The following SRRM3 variants were observed in gnomAD, a reference collection of about 807,000 sequenced individuals.
The protein encoded by SRRM3 is serine/arginine repetitive matrix 3.
SRRM3 carries 27 observed loss-of-function variants against 66.2 expected under a neutral mutation model. The observed-to-expected ratio is 0.41, with a 90% confidence interval of 0.30 to 0.56. The LOEUF is 0.56. Among genes scored for constraint, SRRM3 ranks in the 20% least tolerant of loss-of-function variants. The pLI, the probability that SRRM3 is intolerant of heterozygous loss-of-function variation, is 0.32. For synonymous variants in SRRM3, 391 were observed against 414.9 expected (o/e 0.94, Z 0.70); for missense variants, 918 against 991.9 (o/e 0.93, Z 1.00).
In SRRM3 at chr7:76,281,609, C is replaced by T; in HGVS notation, c.1177C>T (p.Arg393Trp). Reference protein sequence around the residue: ...AGRRRRRRRRRRRSRSSASAP... With the variant: ...AGRRRRRRRRWRRSRSSASAP... Reference sequence around the variant, plus strand: ...CAGGCGGCGGCGGCGGCGGCGTAGGCGGCGGCGCTCGCGGTCCTCGGCGTC... The same window carrying T: ...CAGGCGGCGGCGGCGGCGGCGTAGGTGGCGGCGCTCGCGGTCCTCGGCGTC... Residue 393 changes from arginine (R) to tryptophan (W), a missense_variant, in exon 12 of 15, where the codon CGG (arginine) becomes TGG (tryptophan). Coordinates refer to ENST00000611745, the MANE Select transcript of SRRM3 (RefSeq NM_001110199.3). 1.0e-6 allele frequency: 1 copy of T among 975,466 alleles called. No individual in the cohort carries two copies. The highest frequency in any genetic ancestry group is 1.2e-6 in the Non-Finnish European group (1 of 823,612). The allele number at this position is 975,466 out of a possible 1,614,324, so 60.4% of individuals were successfully genotyped here.
At position 76,283,693 on chromosome 7, in the gene SRRM3, C is replaced by A. The variant is rs1802590735; in HGVS notation, c.1733+592C>A. 6.6e-5 allele frequency: 58 copies of A among 885,246 alleles called. No individual in the cohort carries two copies. In the South Asian group the frequency reaches 8.4e-4, roughly 13 times the overall value. The allele number at this position is 885,246 out of a possible 1,614,324, so 54.8% of individuals were successfully genotyped here. A position where few individuals can be genotyped will look rare whatever the true frequency, so the allele number is the denominator to read the frequency against. On this transcript the variant is annotated intron_variant, in intron 14 of 14. Transcript: ENST00000611745. ...GATTTGGAGGAGGGGGCACAGCAGT[C>A]TGGTCTCTGGGGCAGCTGTCAGAGG...
intron 1 of SRRM3, among the ~76,000 whole-genome samples, chr7:76,205,812 A>G (rs1800287525): frequency 6.6e-6 from 1 of 152,202 alleles, no homozygotes; most frequent in Admixed American, 6.5e-5. Context: ...ATTAAGACCC[A>G]AGTCTGTAAG....
chr7:76,276,085 A>AT (rs1802342128), intron 11 of SRRM3, among the ~76,000 whole-genome samples: 1 of 148,092 alleles, frequency 6.8e-6, no homozygotes, highest in Non-Finnish European at 1.5e-5. Context: ...CATCTCAAAA[A>AT]ATATATATAT....
intron 6 of SRRM3, among the ~76,000 whole-genome samples, 159 bp from the exon 7 acceptor site, chr7:76,261,193 C>A (rs570313044): frequency 3.9e-5 from 6 of 152,014 alleles, no homozygotes; most frequent in African/African-American, 1.4e-4. Context: ...CCTTGGCGAC[C>A]CTTGGGGCCT....
rs113939634 is a variant in SRRM3, at chr7:76,281,408, C to G, written c.1009-33C>G. On this transcript the variant is annotated intron_variant, in intron 11 of 14. Transcript: ENST00000611745. ...CTGTCTCTCTCGTCTCCCTCTCCCC[C>G]CTCCGTGCCCTGTCTGCCTCTCTCC... 1.6e-3 allele frequency: 1,907 copies of G among 1,216,170 alleles called. 24 individuals are homozygous for G. In the African/African-American group the frequency reaches 0.024, roughly 15 times the overall value. The allele number at this position is 1,216,170 out of a possible 1,614,324, so 75.3% of individuals were successfully genotyped here.
At chr7:76,257,498 C>T (rs1334474927) in intron 3 of SRRM3, among the ~76,000 whole-genome samples, 1 of 150,860 alleles carries the variant, frequency 6.6e-6, no homozygotes, top group Non-Finnish European at 1.5e-5. Context: ...CACCTATAAT[C>T]CTAGTACTTT....
intron 1 of SRRM3, among the ~76,000 whole-genome samples, chr7:76,209,947 C>T (rs1292213973): frequency 6.6e-6 from 1 of 152,166 alleles, no homozygotes; most frequent in Non-Finnish European, 1.5e-5. Context: ...CAATTATAAG[C>T]TCTGGAGCAA....
chr7:76,285,587 C>T lies in SRRM3; in HGVS notation c.1734-28C>T. On this transcript the variant is annotated intron_variant, in intron 14 of 14. Coordinates refer to ENST00000611745, the MANE Select transcript of SRRM3 (RefSeq NM_001110199.3). This position sits in a 1 kb window ranked among gnomAD's most constrained non-coding sequence, Gnocchi z 4.1. ...GGATGGGGCTCGGGGCCTGGGATGG[C>T]CTGTAATCAGCTTTTTCTTCCCGGC... 2 of 1,536,398 alleles carry T rather than the reference C, an allele frequency of 1.3e-6. No individual in the cohort carries two copies. The highest frequency in any genetic ancestry group is 1.8e-6 in the Non-Finnish European group (2 of 1,136,804).
At chr7:76,202,893 T>G (rs76688798) in intron 1 of SRRM3, among the ~76,000 whole-genome samples, 5,462 of 152,106 alleles carry the variant, frequency 0.036, 229 homozygotes, top group East Asian at 0.14. Context: ...AGAGATTTAG[T>G]GGGAGGAAGG....
rs1801819210 is a variant in SRRM3, at chr7:76,260,162, AAAG to A, written c.516_518del (p.Lys175del). On this transcript the variant is annotated inframe_deletion, in exon 5 of 15. Transcript: ENST00000611745. ...GCTCGGCATCGCCCCCTCCCAAGAA[AAAG>A]AAGAAAAAGAAAGGCGGCCACCGGA... The A allele has an allele frequency of 6.5e-7, 1 of 1,534,526 alleles. No individual in the cohort carries two copies. The highest frequency in any genetic ancestry group is 1.2e-5 in the South Asian group (1 of 83,102).
chr7:76,279,840 GC>G (rs1440187385), intron 11 of SRRM3, among the ~76,000 whole-genome samples: 3 of 152,076 alleles, frequency 2.0e-5, no homozygotes, highest in South Asian at 4.1e-4. Context: ...AAAAACATTT[GC>G]CACCTCTATC....
intron 3 of SRRM3, among the ~76,000 whole-genome samples, chr7:76,251,926 A>G (rs1801591427): frequency 6.6e-6 from 1 of 152,028 alleles, no homozygotes; most frequent in Admixed American, 6.6e-5. Flanking sequence ...TTAGCTGAGC[A>G]TGGTGGCACA....
intron 2 of SRRM3, among the ~76,000 whole-genome samples, chr7:76,247,292 C>T (rs1012825666): frequency 3.9e-5 from 6 of 152,090 alleles, no homozygotes; most frequent in Admixed American, 1.3e-4. Flanking sequence ...CAGCCACCCC[C>T]TACCCCAAGC....
At chr7:76,240,152 G>A (rs1359004107) in intron 2 of SRRM3, among the ~76,000 whole-genome samples, 1 of 151,096 alleles carries the variant, frequency 6.6e-6, no homozygotes, top group African/African-American at 2.4e-5. Flanking sequence ...GGCAACAAGA[G>A]TGAAACTCTG....
intron 1 of SRRM3, among the ~76,000 whole-genome samples, chr7:76,229,218 CT>C (rs1177390867): frequency 1.3e-5 from 2 of 152,056 alleles, no homozygotes; most frequent in East Asian, 3.9e-4. Context: ...TTCAGTAGAT[CT>C]GGGTTGGATT....
At chr7:76,272,437 G>A (rs1802237145) in intron 11 of SRRM3, among the ~76,000 whole-genome samples, 1 of 152,022 alleles carries the variant, frequency 6.6e-6, no homozygotes, top group Non-Finnish European at 1.5e-5. Context: ...ATGTGATGGT[G>A]CATGCCTACA....
intron 3 of SRRM3, among the ~76,000 whole-genome samples, chr7:76,249,379 CA>C (rs34280992): frequency 0.42 from 57,288 of 135,508 alleles, 13,760 homozygotes; most frequent in African/African-American, 0.69. Context: ...GACTCTGTCT[CA>C]AAAAAAAAAA....
chr7:76,271,612 C>T (rs1388846110), intron 11 of SRRM3, among the ~76,000 whole-genome samples: 1 of 152,188 alleles, frequency 6.6e-6, no homozygotes, highest in Non-Finnish European at 1.5e-5. Flanking sequence ...CACTGCACTC[C>T]AGCTTGGGCA....
At chr7:76,237,238 G>C (rs1190627640) in intron 2 of SRRM3, among the ~76,000 whole-genome samples, 1 of 152,002 alleles carries the variant, frequency 6.6e-6, no homozygotes, top group African/African-American at 2.4e-5. Context: ...AAACCCCATC[G>C]CTACTAAAAA....
Sources: gnomAD v4.1 joint callset for allele counts (sites outside exome capture counted in the v4.1 genomes callset) on GRCh38, gnomAD v4.1.1 for gene constraint, Gnocchi (gnomAD v3.1) non-coding constraint, MANE v1.5 for transcripts, NCBI Gene and HGNC (gene_info 2026-07-23, HGNC 2026-07-21) for gene names.